Variants in RABEP1 observed in about 807,000 individuals in gnomAD.
The protein encoded by RABEP1 is rab GTPase-binding effector protein 1.
A neutral mutation model predicts 123.4 loss-of-function variants in RABEP1; 51 were observed. The observed-to-expected ratio is 0.41, with a 90% CI of 0.33 to 0.52. The LOEUF (loss-of-function observed/expected upper bound fraction) is 0.52. Among genes scored for constraint, RABEP1 ranks in the 20% least tolerant of loss-of-function variants. RABEP1 has a pLI of 0.16. For synonymous variants in RABEP1, 347 were observed against 355.2 expected (o/e 0.98, Z 0.26); for missense variants, 888 against 996.3 (o/e 0.89, Z 1.46).
chr17:5,383,024 C>T, intron 17 of RABEP1, 98 bp from the exon 18 acceptor site: 2 of 900,786 alleles, frequency 2.2e-6, no homozygotes, highest in Admixed American at 1.8e-5. Context: ...GTGACTAGTA[C>T]TCTGGTGAGT....
In RABEP1 at chr17:5,361,575, C is replaced by T. The variant is rs776939752; in HGVS notation, c.1463C>T (p.Ser488Phe). The T allele has an allele frequency of 1.2e-6, 2 of 1,614,168 alleles. No homozygotes were observed. The highest frequency in any genetic ancestry group is 1.7e-6 in the Non-Finnish European group (2 of 1,180,032). The change falls in exon 9 of 18, where the codon TCC becomes TTC. Residue 488 changes from serine to phenylalanine, a missense_variant. Transcript: ENST00000537505. ...AMTPEQEETASLLSSVTQGME... is the reference protein window; with the variant it reads ...AMTPEQEETAFLLSSVTQGME... ...ACACCAGAACAAGAAGAGACAGCGTCCCTCCTCTCCAGCGTTACCCAGGGC... is the reference window on the plus strand; with the variant it reads ...ACACCAGAACAAGAAGAGACAGCGTTCCTCCTCTCCAGCGTTACCCAGGGC...
intron 2 of RABEP1, 91 bp from the exon 3 acceptor site, chr17:5,331,858 A>G: frequency 8.6e-7 from 1 of 1,169,432 alleles, no homozygotes; most frequent in Non-Finnish European, 1.2e-6. Flanking sequence ...TTGTATGTTT[A>G]TATTTTAAAA....
At chr17:5,341,653 A>G (rs1306112949) in intron 5 of RABEP1, among the ~76,000 whole-genome samples, 1 of 152,248 alleles carries the variant, frequency 6.6e-6, no homozygotes, top group Non-Finnish European at 1.5e-5. Context: ...ATAGAAAGGT[A>G]GTATGAGAAG....
chr17:5,363,050 T>C (rs2144680737), intron 10 of RABEP1, 34 bp downstream of exon 10: 5 of 1,517,376 alleles, frequency 3.3e-6, no homozygotes, highest in Non-Finnish European at 2.7e-6. Flanking sequence ...AATTGGATAT[T>C]GTCGTTTTCA....
At chr17:5,342,985 T>C (rs1305399824) in intron 5 of RABEP1, among the ~76,000 whole-genome samples, 1 of 151,980 alleles carries the variant, frequency 6.6e-6, no homozygotes, top group African/African-American at 2.4e-5. Context: ...TTTGGCTGAG[T>C]GTGGTGGCTC....
intron 1 of RABEP1, among the ~76,000 whole-genome samples, chr17:5,297,206 A>G (rs2075091609): frequency 6.6e-6 from 1 of 152,106 alleles, no homozygotes; most frequent in South Asian, 2.1e-4. Context: ...GTTGAGAACC[A>G]CTGGTTTATG....
At chr17:5,380,682 T>C (rs1033809108) in intron 16 of RABEP1, 2 of 540,906 alleles carry the variant, frequency 3.7e-6, no homozygotes, top group African/African-American at 3.8e-5. Flanking sequence ...ATAGGCTAGC[T>C]TCAGATAGTA....
chr17:5,324,785 T>C (rs907943616), intron 2 of RABEP1, among the ~76,000 whole-genome samples: 1 of 152,184 alleles, frequency 6.6e-6, no homozygotes, highest in Non-Finnish European at 1.5e-5. Context: ...CCAAGAGGTA[T>C]GTGAAAAGAT....
chr17:5,381,350 C>T (rs1911435177), intron 16 of RABEP1, 39 bp from the exon 17 acceptor site: 1 of 1,597,562 alleles, frequency 6.3e-7, no homozygotes, highest in Non-Finnish European at 8.5e-7. Flanking sequence ...TAATTCGGCC[C>T]TTTGGCATTA....
In RABEP1 at chr17:5,371,911, A is replaced by G. The variant is rs139159336; in HGVS notation, c.1885-1403A>G. ...CTGTATTTCCTGTGGGCAGCAAAACACGTGGCATAGAGTAGTAGCTGCACA... is the reference window on the plus strand; with the variant it reads ...CTGTATTTCCTGTGGGCAGCAAAACGCGTGGCATAGAGTAGTAGCTGCACA... On this transcript the variant is annotated intron_variant, in intron 12 of 17. Coordinates refer to ENST00000537505, the MANE Select transcript of RABEP1 (RefSeq NM_004703.6). 3.7e-3 allele frequency among the ~76,000 whole-genome samples: 565 copies of G among 152,180 alleles called. 2 individuals carry two copies. Among genetic ancestry groups the G allele is most frequent in the African/African-American group, 0.012 (493 of 41,524 alleles).
chr17:5,357,200 C>T (rs1909100168), intron 8 of RABEP1, among the ~76,000 whole-genome samples: 1 of 151,858 alleles, frequency 6.6e-6, no homozygotes, highest in Admixed American at 6.6e-5. Context: ...AAAACATAAT[C>T]TAGATTATAA....
intron 1 of RABEP1, among the ~76,000 whole-genome samples, chr17:5,304,478 A>T (rs1377990177): frequency 4.0e-5 from 6 of 151,796 alleles, no homozygotes; most frequent in Non-Finnish European, 7.4e-5. Context: ...GCTACTTGGG[A>T]GGCTGAGGCA....
At chr17:5,342,118 A>G (rs1262944855) in intron 5 of RABEP1, among the ~76,000 whole-genome samples, 1 of 152,242 alleles carries the variant, frequency 6.6e-6, no homozygotes. Context: ...AAGTTGTTCA[A>G]ACAAAATCAA....
intron 2 of RABEP1, among the ~76,000 whole-genome samples, chr17:5,311,697 CA>C (rs35876639): frequency 0.24 from 17,067 of 70,244 alleles, 438 homozygotes; most frequent in African/African-American, 0.37. Flanking sequence ...GACTTCATCT[CA>C]AAAAAAAAAA....
intron 5 of RABEP1, among the ~76,000 whole-genome samples, chr17:5,344,964 GA>G (rs1055708070): frequency 6.8e-6 from 1 of 147,552 alleles, no homozygotes; most frequent in Non-Finnish European, 1.5e-5. Flanking sequence ...CTCCGTCTCA[GA>G]AAAAAAAATA....
At chr17:5,349,470 A>G (rs1908339502) in intron 6 of RABEP1, among the ~76,000 whole-genome samples, 1 of 152,120 alleles carries the variant, frequency 6.6e-6, no homozygotes, top group African/African-American at 2.4e-5. Context: ...AGATCATGCT[A>G]CCTATTCTCT....
intron 5 of RABEP1, among the ~76,000 whole-genome samples, chr17:5,345,615 G>T (rs1908003454): frequency 6.6e-6 from 1 of 152,156 alleles, no homozygotes; most frequent in Admixed American, 6.5e-5. Context: ...CCGTCCTCAG[G>T]TGTTAGAGAA....
At chr17:5,354,321 T>C in intron 7 of RABEP1, 38 bp from the exon 8 acceptor site, 1 of 1,561,340 alleles carries the variant, frequency 6.4e-7, no homozygotes, top group Non-Finnish European at 8.7e-7. Flanking sequence ...ATTAAGTAGG[T>C]TACTTGGGTC....
At chr17:5,348,400 A>G (rs1300058637) in intron 6 of RABEP1, among the ~76,000 whole-genome samples, 1 of 152,246 alleles carries the variant, frequency 6.6e-6, no homozygotes, top group African/African-American at 2.4e-5. Context: ...CAGCTAGGTA[A>G]GGAAGTCTAA....
Sources: allele counts gnomAD v4.1 joint callset (sites outside exome capture counted in the v4.1 genomes callset), GRCh38; gene constraint gnomAD v4.1.1; transcripts MANE v1.5; gene names NCBI Gene and HGNC (gene_info 2026-07-23, HGNC 2026-07-21).